The following FANCD2 variants were observed in gnomAD, a reference collection of about 807,000 sequenced individuals.
FANCD2 encodes the protein FA complementation group D2.
A neutral mutation model predicts 192.3 loss-of-function variants in FANCD2; 131 were observed. That is an observed-to-expected ratio of 0.68 (90% CI 0.59 to 0.79). FANCD2 has a LOEUF of 0.79. FANCD2 is among the 30% of genes least tolerant of loss of function. The pLI is 0.00. For synonymous variants in FANCD2, 524 were observed against 612.5 expected (o/e 0.86, Z 2.13); for missense variants, 1,508 against 1,701.6 (o/e 0.89, Z 2.00).
At chr3:10,067,083 GT>G (rs2087741608) in intron 25 of FANCD2, 125 bp from the exon 26 acceptor site, 1 of 721,026 alleles carries the variant, frequency 1.4e-6, no homozygotes, top group Admixed American at 2.0e-5. Context: ...GTTGAGGACA[GT>G]TCTATTACAG....
At chr3:10,070,302 C>G (rs1029169504) in intron 26 of FANCD2, among the ~76,000 whole-genome samples, 1 of 150,422 alleles carries the variant, frequency 6.6e-6, no homozygotes, top group African/African-American at 2.5e-5. Context: ...GCGTCTCCGC[C>G]CGGCAGCCAC....
chr3:10,031,213 G>C (rs1222991804), intron 2 of FANCD2, among the ~76,000 whole-genome samples: 3 of 152,068 alleles, frequency 2.0e-5, no homozygotes, highest in Admixed American at 1.3e-4. Context: ...ATTAGAAAGA[G>C]GGAAAGGAGG....
chr3:10,048,166 C>G (rs1398607934), intron 16 of FANCD2, 115 bp downstream of exon 16: 1 of 1,380,958 alleles, frequency 7.2e-7, no homozygotes, highest in African/African-American at 1.4e-5. Context: ...ACCTGGGTCT[C>G]AAGAAAGCTC....
intron 43 of FANCD2, among the ~76,000 whole-genome samples, chr3:10,100,207 G>C (rs532882840): frequency 3.3e-5 from 5 of 152,236 alleles, no homozygotes; most frequent in African/African-American, 1.2e-4. Flanking sequence ...TTATTTACAT[G>C]GTCCCCAGTT....
intron 18 of FANCD2, chr3:10,058,034 C>T: frequency 2.1e-6 from 1 of 468,028 alleles, no homozygotes; most frequent in Non-Finnish European, 4.1e-6. Context: ...CTTCTTAATT[C>T]CGGCAAAGAT....
chr3:10,054,590 TCTC>T (rs1463960902), intron 18 of FANCD2, among the ~76,000 whole-genome samples: 1 of 139,578 alleles, frequency 7.2e-6, no homozygotes, highest in African/African-American at 2.7e-5. Flanking sequence ...TTCCCGCCAT[TCTC>T]CTGCTTCAGC....
chr3:10,041,774 T>C, intron 10 of FANCD2, 64 bp downstream of exon 10: 1 of 1,061,126 alleles, frequency 9.4e-7, no homozygotes, highest in Non-Finnish European at 1.5e-6. Flanking sequence ...CAAGTGTCAG[T>C]CAGTCATTGC....
intron 18 of FANCD2, among the ~76,000 whole-genome samples, chr3:10,053,702 T>G (rs1355716265): frequency 6.6e-6 from 1 of 151,978 alleles, no homozygotes; most frequent in Non-Finnish European, 1.5e-5. Context: ...TACTAGCATT[T>G]TTTTTTCTTA....
At chr3:10,028,069 AT>A (rs1194956115) in intron 1 of FANCD2, among the ~76,000 whole-genome samples, 1 of 128,462 alleles carries the variant, frequency 7.8e-6, no homozygotes, top group East Asian at 2.3e-4. Context: ...AAAAAAAAAA[AT>A]TCAAGGAGAT....
intron 19 of FANCD2, among the ~76,000 whole-genome samples, chr3:10,060,808 T>A (rs138930007): frequency 1.3e-3 from 199 of 152,330 alleles, no homozygotes; most frequent in Non-Finnish European, 2.3e-3. Flanking sequence ...CTTGTGTATT[T>A]CCCCTCACCT....
intron 6 of FANCD2, 131 bp from the exon 7 acceptor site, chr3:10,036,156 G>A (rs1395171834): frequency 4.6e-6 from 3 of 647,994 alleles, no homozygotes; most frequent in Non-Finnish European, 8.5e-6. Context: ...GTGCAATCTC[G>A]GCTCACTGCA....
In FANCD2 at chr3:10,041,629, A is replaced by C; in HGVS notation, c.702A>C (p.Leu234=). 6.2e-7 allele frequency: 1 copy of C among 1,612,178 alleles called. No individual in the cohort carries two copies. Among genetic ancestry groups the C allele is most frequent in the Non-Finnish European group, 8.5e-7 (1 of 1,178,372 alleles). Reference sequence around the variant, plus strand: ...CTTTTTCTACCATTCACAGTGACCTACTGATAGAGAATACTTCACTCACTG... The same window carrying C: ...CTTTTTCTACCATTCACAGTGACCTCCTGATAGAGAATACTTCACTCACTG... ...HADVGKELSD[L]LIENTSLTVP... Residue 234 remains leucine (L), a synonymous_variant, in exon 10 of 44, where the codon CTA becomes CTC. Coordinates refer to ENST00000675286, the MANE Select transcript of FANCD2 (RefSeq NM_001018115.3).
intron 43 of FANCD2, chr3:10,099,093 A>G (rs905105818): frequency 9.8e-6 from 15 of 1,531,368 alleles, no homozygotes; most frequent in Non-Finnish European, 1.1e-5. Context: ...CCATGAATTC[A>G]TATCTGAAAC....
At chr3:10,080,899 C>T (rs1323867119) in intron 30 of FANCD2, among the ~76,000 whole-genome samples, 4 of 152,218 alleles carry the variant, frequency 2.6e-5, no homozygotes, top group Non-Finnish European at 5.9e-5. Flanking sequence ...TGTTCCTACT[C>T]TACAAAAGCC....
rs1330490102 is a variant in FANCD2 at position 10,054,470 on chromosome 3, TATA to T, written c.1656+1974_1656+1976del. Among the ~76,000 whole-genome samples, 220 of 28,950 alleles carry T rather than the reference TATA, an allele frequency of 7.6e-3. 5 individuals carry two copies. The highest frequency in any genetic ancestry group is 0.036 in the East Asian group (23 of 642). The allele number at this position is 28,950 out of a possible 152,430, so 19.0% of individuals were successfully genotyped here. A position where few individuals can be genotyped will look rare whatever the true frequency, so the allele number is the denominator to read the frequency against. On this transcript the variant is annotated intron_variant, in intron 18 of 43. Coordinates refer to ENST00000675286, the MANE Select transcript of FANCD2 (RefSeq NM_001018115.3). ...ACATATATATATATATATATATATA[TATA>T]TTTTTTTTTTTTTTTTTTTTTTTTT...
chr3:10,060,512 AG>A (rs2087535359), intron 19 of FANCD2, 109 bp downstream of exon 19: 1 of 825,742 alleles, frequency 1.2e-6, no homozygotes, highest in Non-Finnish European at 2.1e-6. Context: ...ACTATAAATG[AG>A]CAAATGTGTT....
intron 29 of FANCD2, 83 bp from the exon 30 acceptor site, chr3:10,077,998 A>T: frequency 1.0e-6 from 1 of 962,342 alleles, no homozygotes. Context: ...TTGCCACTGC[A>T]CATTTAACAA....
At position 10,058,036 on chromosome 3, in the gene FANCD2, G is replaced by A. The variant is rs577033745; in HGVS notation, c.1657-2258G>A. 1.5e-4 allele frequency: 68 copies of A among 463,952 alleles called. 1 individual carries two copies. Among genetic ancestry groups the A allele is most frequent in the South Asian group, 6.2e-4 (32 of 51,978 alleles). 28.7% of individuals were successfully genotyped at this position (463,952 alleles called of 1,614,324 possible). On this transcript the variant is annotated intron_variant, in intron 18 of 43. Transcript: ENST00000675286. ...TTGCCCTTTCTGCCTTCTTAATTCC[G>A]GCAAAGATCATTTTTCTTCCAGGGA... is the stretch of plus-strand genomic sequence containing the variant.
chr3:10,039,187 G>C, intron 7 of FANCD2, 92 bp from the exon 8 acceptor site: 2 of 884,572 alleles, frequency 2.3e-6, no homozygotes, highest in Non-Finnish European at 3.6e-6. Context: ...AAATGTTAAT[G>C]GAATGGCTAA....
Sources: allele counts gnomAD v4.1 joint callset (sites outside exome capture counted in the v4.1 genomes callset), GRCh38; gene constraint gnomAD v4.1.1; transcripts MANE v1.5; gene names NCBI Gene and HGNC (gene_info 2026-07-23, HGNC 2026-07-21).